The following NKAIN2 variants were observed in gnomAD, a reference collection of about 807,000 sequenced individuals.
NKAIN2 encodes sodium/potassium-transporting ATPase subunit beta-1-interacting protein 2.
A neutral mutation model predicts 32.6 loss-of-function variants in NKAIN2; 14 were observed. That is an observed-to-expected ratio of 0.43 (90% CI 0.28 to 0.67). The LOEUF (loss-of-function observed/expected upper bound fraction) is 0.67. Among genes scored for constraint, NKAIN2 ranks in the 30% least tolerant of loss-of-function variants. The pLI is 0.17. For missense variants in NKAIN2, 198 were observed against 258.3 expected (o/e 0.77, Z 1.60); for synonymous variants, 80 against 87.2 (o/e 0.92, Z 0.46).
chr6:124,628,386 AGTT>A (rs2114294744), intron 3 of NKAIN2, among the ~76,000 whole-genome samples: 1 of 152,238 alleles, frequency 6.6e-6, no homozygotes, highest in Non-Finnish European at 1.5e-5. Flanking sequence ...ATCATGTCTT[AGTT>A]ATTTCATCCC....
At chr6:123,881,486 T>G (rs1374377375) in intron 1 of NKAIN2, among the ~76,000 whole-genome samples, 3 of 152,098 alleles carry the variant, frequency 2.0e-5, no homozygotes, top group Admixed American at 6.5e-5. Flanking sequence ...ACCGATGGAG[T>G]GCATCTAGTG....
At chr6:124,130,070 A>G (rs1197009198) in intron 1 of NKAIN2, among the ~76,000 whole-genome samples, 4 of 152,220 alleles carry the variant, frequency 2.6e-5, no homozygotes, top group South Asian at 2.1e-4. Context: ...GTAAAATTTC[A>G]TGATTAATTC....
chr6:124,230,467 C>T (rs371588795), intron 1 of NKAIN2, among the ~76,000 whole-genome samples: 12 of 152,274 alleles, frequency 7.9e-5, no homozygotes, highest in African/African-American at 2.9e-4. Flanking sequence ...ATGTTAATAC[C>T]CAAGACAATG....
intron 5 of NKAIN2, among the ~76,000 whole-genome samples, chr6:124,793,951 A>G (rs749404170): frequency 1.3e-5 from 2 of 152,188 alleles, no homozygotes; most frequent in Non-Finnish European, 2.9e-5. Flanking sequence ...GGGGTCAGCC[A>G]TGAGGCAGAG....
intron 4 of NKAIN2, among the ~76,000 whole-genome samples, chr6:124,664,907 A>C (rs1456205651): frequency 2.6e-5 from 4 of 151,968 alleles, no homozygotes. Context: ...TTGATCTTTA[A>C]ACAAGAATGT....
At chr6:123,888,920 G>T (rs1582720477) in intron 1 of NKAIN2, among the ~76,000 whole-genome samples, 1 of 152,066 alleles carries the variant, frequency 6.6e-6, no homozygotes, top group African/African-American at 2.4e-5. Flanking sequence ...GCTATTTTCA[G>T]CTCTGGCTGC....
At position 124,012,069 on chromosome 6, in the gene NKAIN2, ATAAAATGCATATAATTAAAG is replaced by A. The variant is rs530753488; in HGVS notation, c.54+207818_54+207837del. ...ATTATGGAGGAATAATTGACATGAA[ATAAAATGCATATAATTAAAG>A]TACACCATGTTGATATATTCTTATG... On this transcript the variant is annotated intron_variant, in intron 1 of 6. Transcript: ENST00000368417. Among the ~76,000 whole-genome samples, 75 of 152,300 alleles carry A rather than the reference ATAAAATGCATATAATTAAAG, an allele frequency of 4.9e-4. 2 individuals carry two copies. The South Asian group carries it at 8.5e-3, about 17-fold the overall frequency.
intron 1 of NKAIN2, among the ~76,000 whole-genome samples, chr6:123,853,846 C>T (rs927637017): frequency 2.6e-5 from 4 of 151,264 alleles, no homozygotes; most frequent in Non-Finnish European, 5.9e-5. Context: ...TATCTCAGCT[C>T]ACTGCAACCT....
intron 3 of NKAIN2, among the ~76,000 whole-genome samples, chr6:124,543,102 A>G (rs1779968877): frequency 6.6e-6 from 1 of 152,192 alleles, no homozygotes; most frequent in Non-Finnish European, 1.5e-5. Context: ...ATGAAGTCGA[A>G]GGGAATATTC....
chr6:124,348,806 G>T (rs1798573791), intron 2 of NKAIN2, among the ~76,000 whole-genome samples: 1 of 152,164 alleles, frequency 6.6e-6, no homozygotes, highest in African/African-American at 2.4e-5. Flanking sequence ...TTGCCTCACT[G>T]GGGAAGCTCA....
intron 1 of NKAIN2, among the ~76,000 whole-genome samples, chr6:124,119,590 C>A (rs1020200314): frequency 6.6e-6 from 1 of 152,118 alleles, no homozygotes; most frequent in Non-Finnish European, 1.5e-5. Flanking sequence ...AACTCACAGA[C>A]GTATTTGCTT....
chr6:124,093,620 G>A (rs955835257), intron 1 of NKAIN2, among the ~76,000 whole-genome samples: 2 of 152,030 alleles, frequency 1.3e-5, no homozygotes, highest in African/African-American at 4.8e-5. Flanking sequence ...GTATAGTTTG[G>A]TAAACCTGTT....
At chr6:124,419,716 C>A (rs332593) in intron 3 of NKAIN2, among the ~76,000 whole-genome samples, 43,342 of 151,948 alleles carry the variant, frequency 0.29, 6,351 homozygotes, top group African/African-American at 0.34. Context: ...TACATTCCCT[C>A]TTTGTTCCTT....
At chr6:124,481,937 C>A (rs1251999520) in intron 3 of NKAIN2, among the ~76,000 whole-genome samples, 1 of 152,022 alleles carries the variant, frequency 6.6e-6, no homozygotes, top group East Asian at 1.9e-4. Flanking sequence ...AGTGCATAAA[C>A]AAATGTATGT....
At chr6:123,886,844 G>A (rs1369142949) in intron 1 of NKAIN2, among the ~76,000 whole-genome samples, 1 of 151,984 alleles carries the variant, frequency 6.6e-6, no homozygotes, top group African/African-American at 2.4e-5. Context: ...TTGTTTAGAC[G>A]CGTTTTTGGA....
chr6:124,624,952 C>G (rs1231309219), intron 3 of NKAIN2, among the ~76,000 whole-genome samples: 1 of 152,080 alleles, frequency 6.6e-6, no homozygotes, highest in Non-Finnish European at 1.5e-5. Flanking sequence ...ATTTATCCAA[C>G]TTTCTAATCT....
chr6:124,711,648 G>A (rs979472754), intron 4 of NKAIN2, among the ~76,000 whole-genome samples: 13 of 150,860 alleles, frequency 8.6e-5, no homozygotes, highest in South Asian at 2.1e-4. Context: ...CGTAGTTCTC[G>A]AGCCTTGGTT....
intron 6 of NKAIN2, among the ~76,000 whole-genome samples, chr6:124,821,331 G>C (rs917981216): frequency 1.3e-5 from 2 of 151,548 alleles, no homozygotes; most frequent in African/African-American, 4.8e-5. Flanking sequence ...TATCTACAAG[G>C]TTTGTAATTG....
chr6:124,731,268 T>C (rs1282720689), intron 4 of NKAIN2, among the ~76,000 whole-genome samples: 1 of 146,842 alleles, frequency 6.8e-6, no homozygotes, highest in African/African-American at 2.5e-5. Flanking sequence ...ACACGTATGT[T>C]TATTGCGGCA....
Sources: gnomAD v4.1 joint callset for allele counts (sites outside exome capture counted in the v4.1 genomes callset) on GRCh38, gnomAD v4.1.1 for gene constraint, MANE v1.5 for transcripts, NCBI Gene and HGNC (gene_info 2026-07-23, HGNC 2026-07-21) for gene names.